Variants in CCDC191 observed in about 807,000 individuals in gnomAD.
CCDC191 encodes the protein coiled-coil domain-containing protein 191.
CCDC191 carries 99 observed loss-of-function variants against 114.0 expected under a neutral mutation model. That is an observed-to-expected ratio of 0.87 (90% CI 0.74 to 1.03). The LOEUF (loss-of-function observed/expected upper bound fraction) is 1.03. Among genes scored for constraint, CCDC191 ranks in the 50% least tolerant of loss-of-function variants. CCDC191 has a pLI of 0.00. For missense variants in CCDC191, 973 were observed against 1,087.0 expected, an observed-to-expected ratio of 0.90 and a Z score of 1.47; for synonymous variants, 351 against 376.0, an observed-to-expected ratio of 0.93 and a Z score of 0.77.
intron 13 of CCDC191, among the ~76,000 whole-genome samples, chr3:113,997,798 G>A (rs895377793): frequency 6.6e-6 from 1 of 152,122 alleles, no homozygotes; most frequent in African/African-American, 2.4e-5. Flanking sequence ...GGTTATAATG[G>A]AGCTGAAAAA....
intron 9 of CCDC191, among the ~76,000 whole-genome samples, chr3:114,010,368 T>A (rs2076048089): frequency 6.6e-6 from 1 of 152,166 alleles, no homozygotes. Flanking sequence ...ATTGCTACAA[T>A]TAGTACATAT....
chr3:114,018,128 G>C (rs988305150), intron 8 of CCDC191, among the ~76,000 whole-genome samples: 2 of 152,190 alleles, frequency 1.3e-5, no homozygotes, highest in African/African-American at 4.8e-5. Context: ...GGCCCTCCCA[G>C]ATGGATGTGC....
chr3:113,993,597 G>A (rs2075637377), intron 13 of CCDC191, among the ~76,000 whole-genome samples: 1 of 152,046 alleles, frequency 6.6e-6, no homozygotes, highest in African/African-American at 2.4e-5. Flanking sequence ...AACTCCAAAT[G>A]GGCTGGGCAT....
At chr3:114,014,125 T>C in intron 8 of CCDC191, among the ~76,000 whole-genome samples, 1 of 152,052 alleles carries the variant, frequency 6.6e-6, no homozygotes, top group Non-Finnish European at 1.5e-5. Flanking sequence ...TCTGATTGAG[T>C]GCTGTAATCT....
chr3:114,027,375 G>A (rs944424331), intron 7 of CCDC191, among the ~76,000 whole-genome samples: 6 of 152,090 alleles, frequency 3.9e-5, no homozygotes, highest in African/African-American at 1.4e-4. Flanking sequence ...CGATGCTTTG[G>A]GAGGCCAAGG....
chr3:113,986,662 GTGTGGC>G (rs1480030628), intron 13 of CCDC191, among the ~76,000 whole-genome samples: 1 of 152,210 alleles, frequency 6.6e-6, no homozygotes, highest in Non-Finnish European at 1.5e-5. Context: ...CTAACCCCTA[GTGTGGC>G]TGTATTTGAA....
Position 114,046,595 on chromosome 3 carries a change from T to C in CCDC191, c.267A>G (p.Ala89=), listed in dbSNP as rs781561166. The C allele has an allele frequency of 6.4e-7, 1 of 1,567,832 alleles. No individual in the cohort carries two copies. The highest frequency in any genetic ancestry group is 8.8e-7 in the Non-Finnish European group (1 of 1,137,970). The change falls in exon 3 of 17, where the codon GCA becomes GCG. Residue 89 remains alanine, a synonymous_variant. Coordinates refer to ENST00000295878, the MANE Select transcript of CCDC191 (RefSeq NM_020817.2). ...EQIEDHDEIY[A]EAQELVNDWL... Reference sequence around the variant, plus strand: ...GCAGAAAATGCATTCTCTTACCTTCTGCATAGATTTCATCATGATCCTCTA... The same window carrying C: ...GCAGAAAATGCATTCTCTTACCTTCCGCATAGATTTCATCATGATCCTCTA...
intron 13 of CCDC191, among the ~76,000 whole-genome samples, chr3:113,999,968 G>C (rs768509838): frequency 9.9e-5 from 15 of 152,158 alleles, no homozygotes; most frequent in Non-Finnish European, 1.6e-4. Context: ...CTGGATAGTT[G>C]TATCATGTTA....
intron 9 of CCDC191, among the ~76,000 whole-genome samples, chr3:114,006,669 ACT>A (rs906854958): frequency 4.1e-5 from 6 of 147,786 alleles, no homozygotes; most frequent in Non-Finnish European, 7.4e-5. Flanking sequence ...GCATAAATTG[ACT>A]CTGAATTTTA....
intron 13 of CCDC191, among the ~76,000 whole-genome samples, chr3:113,986,668 C>T (rs2075370176): frequency 6.6e-6 from 1 of 152,158 alleles, no homozygotes; most frequent in Non-Finnish European, 1.5e-5. Flanking sequence ...CCTAGTGTGG[C>T]TGTATTTGAA....
rs185852354 is a variant in CCDC191 at position 113,970,520 on chromosome 3, T to G, written c.2607-5161A>C. ...CTGGCAAGGACTTGCAGTATTATAT[T>G]GAATAAAAGTGCTGAAAGTGGGCAT... On this transcript the variant is annotated intron_variant, in intron 16 of 16. Coordinates refer to ENST00000295878, the MANE Select transcript of CCDC191 (RefSeq NM_020817.2). 2.0e-5 allele frequency among the ~76,000 whole-genome samples: 3 copies of G among 152,242 alleles called. No homozygotes were observed. In the East Asian group the frequency reaches 5.8e-4, roughly 29 times the overall value.
At chr3:114,024,756 C>G (rs1052647411) in intron 7 of CCDC191, among the ~76,000 whole-genome samples, 16 of 152,220 alleles carry the variant, frequency 1.1e-4, no homozygotes, top group African/African-American at 3.4e-4. Flanking sequence ...TGTTAAATGA[C>G]AAGTTAATGG....
At chr3:113,968,423 A>ATATCT (rs1194293097) in intron 16 of CCDC191, among the ~76,000 whole-genome samples, 1 of 151,632 alleles carries the variant, frequency 6.6e-6, no homozygotes, top group African/African-American at 2.4e-5. Context: ...GGCCACTTGT[A>ATATCT]TATCTTTTGA....
intron 2 of CCDC191, among the ~76,000 whole-genome samples, chr3:114,051,104 C>G (rs6438179): frequency 0.54 from 82,280 of 151,826 alleles, 22,670 homozygotes; most frequent in African/African-American, 0.63. Context: ...CTATTGACAT[C>G]GTGACCCCGA....
chr3:113,974,383 G>T (rs1209358027), intron 16 of CCDC191, among the ~76,000 whole-genome samples: 2 of 150,920 alleles, frequency 1.3e-5, no homozygotes, highest in Non-Finnish European at 2.9e-5. Flanking sequence ...GCAGTGGCAT[G>T]ATCTCAGCTC....
At chr3:114,009,160 T>A (rs575381385) in intron 9 of CCDC191, among the ~76,000 whole-genome samples, 3 of 152,154 alleles carry the variant, frequency 2.0e-5, no homozygotes, top group African/African-American at 7.2e-5. Context: ...TTGCTCTAGA[T>A]GAGTGAATGT....
rs1939980673 is a variant in CCDC191, at chr3:113,965,132, C to A, written c.*23G>T. ...CATACAGACTAGTCGAGCTTCCTGT[C>A]CTAAATATTACACTAATCTGGCTCA... On this transcript the variant is annotated 3_prime_UTR_variant, in exon 17 of 17. Transcript: ENST00000295878. 2.0e-6 allele frequency: 3 copies of A among 1,521,872 alleles called. No homozygotes were observed. The highest frequency in any genetic ancestry group is 4.6e-5 in the East Asian group (2 of 43,454). 94.3% of individuals were successfully genotyped at this position (1,521,872 alleles called of 1,614,324 possible). A position where few individuals can be genotyped will look rare whatever the true frequency, so the allele number is the denominator to read the frequency against.
At chr3:113,967,098 TCAAAAAAAGAAAAAAA>T in intron 16 of CCDC191, among the ~76,000 whole-genome samples, 1 of 131,510 alleles carries the variant, frequency 7.6e-6, no homozygotes, top group South Asian at 2.6e-4. Flanking sequence ...GACTCTTGTC[TCAAAAAAAGAAAAAAA>T]GAAAAAAAGA....
intron 14 of CCDC191, among the ~76,000 whole-genome samples, chr3:113,979,905 G>C (rs1342564072): frequency 2.0e-5 from 3 of 152,186 alleles, no homozygotes; most frequent in Non-Finnish European, 4.4e-5. Flanking sequence ...GGAAATTTTA[G>C]AAATTTCTGC....
Sources: gnomAD v4.1 joint callset for allele counts (sites outside exome capture counted in the v4.1 genomes callset) on GRCh38, gnomAD v4.1.1 for gene constraint, MANE v1.5 for transcripts, NCBI Gene and HGNC (gene_info 2026-07-23, HGNC 2026-07-21) for gene names.